The following TOMM20L variants were observed in gnomAD, a reference collection of about 807,000 sequenced individuals.
TOMM20L encodes TOMM20-like protein 1.
A neutral mutation model predicts 20.4 loss-of-function variants in TOMM20L; 19 were observed. That is an observed-to-expected ratio of 0.93 (90% CI 0.65 to 1.36). The LOEUF (loss-of-function observed/expected upper bound fraction) is 1.36, where lower values mean the gene tolerates loss of function less well. TOMM20L is among the 40% of genes most tolerant of loss of function. TOMM20L has a pLI of 0.00. For synonymous variants in TOMM20L, 75 were observed against 79.6 expected (o/e 0.94, Z 0.30); for missense variants, 218 against 203.7 (o/e 1.07, Z -0.43).
downstream of TOMM20L, chr14:58,412,175 A>C (rs2036242074): frequency 2.3e-6 from 1 of 427,238 alleles, no homozygotes; most frequent in East Asian, 4.3e-5. Flanking sequence ...ACGGAGTCTC[A>C]CTCTGTCACC....
At chr14:58,413,459 TCTA>T (rs1403347803), downstream of TOMM20L, among the ~76,000 whole-genome samples, 1 of 152,186 alleles carries the variant, frequency 6.6e-6, no homozygotes, top group Non-Finnish European at 1.5e-5. Context: ...AATTATACAT[TCTA>T]CTACACATTC....
intron 4 of TOMM20L, among the ~76,000 whole-genome samples, chr14:58,407,692 A>T (rs965956670): frequency 6.6e-6 from 1 of 152,230 alleles, no homozygotes; most frequent in Non-Finnish European, 1.5e-5. Context: ...TCAACAGTTC[A>T]ATTTTAAAGC....
chr14:58,396,195 C>A, intron 1 of TOMM20L, 102 bp downstream of exon 1: 1 of 1,523,406 alleles, frequency 6.6e-7, no homozygotes. Flanking sequence ...AGTGCCTCAG[C>A]CTCTGCCGAG....
At chr14:58,402,635 C>T (rs776256617) in intron 2 of TOMM20L, 45 bp from the exon 3 acceptor site, 7 of 1,459,690 alleles carry the variant, frequency 4.8e-6, no homozygotes, top group Non-Finnish European at 6.7e-6. Flanking sequence ...TAGCCATATA[C>T]CTTACCTTCA....
At chr14:58,408,754 CAA>C, downstream of TOMM20L, 2 of 726,206 alleles carry the variant, frequency 2.8e-6, no homozygotes, top group Non-Finnish European at 4.3e-6. Flanking sequence ...ATTGAAGAAA[CAA>C]TGGTTTATTT....
downstream of TOMM20L, among the ~76,000 whole-genome samples, chr14:58,412,835 A>C (rs1595011944): frequency 6.6e-6 from 1 of 152,142 alleles, no homozygotes; most frequent in East Asian, 1.9e-4. Flanking sequence ...CAGGACGTTG[A>C]GGTTACAGTG....
chr14:58,413,093 G>A (rs569095708), downstream of TOMM20L, among the ~76,000 whole-genome samples: 1 of 152,092 alleles, frequency 6.6e-6, no homozygotes, highest in African/African-American at 2.4e-5. Context: ...CACATAAAAA[G>A]TATTAATAAG....
At chr14:58,412,426 C>T (rs575154837), downstream of TOMM20L, among the ~76,000 whole-genome samples, 15 of 152,336 alleles carry the variant, frequency 9.8e-5, no homozygotes, top group South Asian at 6.2e-4. Context: ...AGGCGTTAGC[C>T]GCCGTGCCCG....
At chr14:58,411,253 G>A (rs1219811426), downstream of TOMM20L, among the ~76,000 whole-genome samples, 1 of 152,000 alleles carries the variant, frequency 6.6e-6, no homozygotes, top group Admixed American at 6.6e-5. Flanking sequence ...TTCGAGACCA[G>A]CCTGGCCAAC....
chr14:58,412,126 C>A (rs530421650), downstream of TOMM20L: 4 of 568,158 alleles, frequency 7.0e-6, no homozygotes, highest in Admixed American at 9.4e-5. Context: ...GACCATAGAA[C>A]CTTACAGTTG....
chr14:58,398,656 A>T (rs1594995261), intron 2 of TOMM20L: 1 of 151,658 alleles, frequency 6.6e-6, no homozygotes, highest in Non-Finnish European at 1.5e-5. Context: ...GGAAATAATA[A>T]ATGATTTATA....
At position 58,396,342 on chromosome 14, in the gene TOMM20L, G is replaced by T. The variant is rs553187241; in HGVS notation, c.180+1G>T. On this transcript the variant is annotated splice_donor_variant, in intron 2 of 4. Coordinates refer to ENST00000360945, the MANE Select transcript of TOMM20L (RefSeq NM_207377.3). LOFTEE classifies it high-confidence loss of function. ...AAAGGCTGAGGAGCAGGGCACGCAG[G>T]TGCAGTGCTTTCGATCCGCACAGGT... is the stretch of plus-strand genomic sequence containing the variant. 2 of 1,613,284 alleles carry T rather than the reference G, an allele frequency of 1.2e-6. No individual in the cohort carries two copies. The highest frequency in any genetic ancestry group is 1.7e-6 in the Non-Finnish European group (2 of 1,179,774).
intron 2 of TOMM20L, among the ~76,000 whole-genome samples, chr14:58,400,081 T>C (rs1172233522): frequency 6.6e-6 from 1 of 151,760 alleles, no homozygotes; most frequent in Admixed American, 6.6e-5. Flanking sequence ...GAATATGTAA[T>C]TCCTTGCAGT....
In TOMM20L at chr14:58,396,025, TG is replaced by T; in HGVS notation, c.71del (p.Gly24AlafsTer79). On this transcript the variant is annotated frameshift_variant, in exon 1 of 5. Transcript: ENST00000360945. LOFTEE classifies it high-confidence loss of function. ...AAAACGAFAF[L>X]GYCIYLNRKR... Reference sequence around the variant, plus strand: ...GCGGCCTGTGGCGCCTTCGCCTTCCTGGGCTATTGTATTTACCTCAACCGGA... The same window carrying T: ...GCGGCCTGTGGCGCCTTCGCCTTCCTGGCTATTGTATTTACCTCAACCGGA... 6.9e-7 allele frequency: 1 copy of T among 1,449,620 alleles called. No homozygotes were observed. Among genetic ancestry groups the T allele is most frequent in the Admixed American group, 2.3e-5 (1 of 42,702 alleles). The allele number at this position is 1,449,620 out of a possible 1,614,324, so 89.8% of individuals were successfully genotyped here. A position where few individuals can be genotyped will look rare whatever the true frequency, so the allele number is the denominator to read the frequency against.
chr14:58,404,967 A>G (rs943545904), intron 3 of TOMM20L, among the ~76,000 whole-genome samples: 1 of 151,514 alleles, frequency 6.6e-6, no homozygotes, highest in Non-Finnish European at 1.5e-5. Context: ...GCCCCCTAGC[A>G]ATTTTTTTTT....
Position 58,395,934 on chromosome 14 carries a change from G to T in TOMM20L, c.-24G>T. 7.5e-7 allele frequency: 1 copy of T among 1,328,208 alleles called. No homozygotes were observed. The highest frequency in any genetic ancestry group is 9.7e-7 in the Non-Finnish European group (1 of 1,034,602). The allele number at this position is 1,328,208 out of a possible 1,614,324, so 82.3% of individuals were successfully genotyped here. A position where few individuals can be genotyped will look rare whatever the true frequency, so the allele number is the denominator to read the frequency against. ...GCCGGCCGGCCCGCGCCCAACGCTC[G>T]GCTTGTGGGACGCCCGCGGTCGGAT... On this transcript the variant is annotated 5_prime_UTR_variant, in exon 1 of 5. Transcript: ENST00000360945.
In TOMM20L at chr14:58,396,304, G is replaced by A. The variant is rs763681545; in HGVS notation, c.143G>A (p.Arg48Lys). 7 of 1,613,184 alleles carry A rather than the reference G, an allele frequency of 4.3e-6. No individual in the cohort carries two copies. In the East Asian group the frequency reaches 1.1e-4, roughly 26 times the overall value. The change falls in exon 2 of 5, where the codon AGA (arginine) becomes AAA (lysine). Residue 48 changes from arginine to lysine, a missense_variant. Transcript: ENST00000360945. ...TGCCGTGTTGTGTTCGCAGAAAGAA[G>A]AGCAGAGCCTCAAAAGGCTGAGGAG... ...AFKRRLRDKR[R>K]AEPQKAEEQG...
intron 3 of TOMM20L, among the ~76,000 whole-genome samples, chr14:58,403,461 T>C (rs1315341382): frequency 6.6e-6 from 1 of 152,248 alleles, no homozygotes; most frequent in African/African-American, 2.4e-5. Context: ...TAATTCCCTA[T>C]GAATGTCCAT....
chr14:58,413,931 C>T, the TOMM20L span, among the ~76,000 whole-genome samples: 12 of 123,426 alleles, frequency 9.7e-5, no homozygotes, highest in East Asian at 1.1e-3. Flanking sequence ...GGCGTGAACC[C>T]GGGAGGTGGA....
Sources: gnomAD v4.1 joint callset for allele counts (sites outside exome capture counted in the v4.1 genomes callset) on GRCh38, gnomAD v4.1.1 for gene constraint, MANE v1.5 for transcripts, NCBI Gene and HGNC (gene_info 2026-07-23, HGNC 2026-07-21) for gene names.